The following MIR2052HG variants were observed in gnomAD, a reference collection of about 807,000 sequenced individuals.
MIR2052HG encodes the protein MIR2052 host gene.
At chr8:74,631,799 A>T (rs551826261) in intron 2 of MIR2052HG, among the ~76,000 whole-genome samples, 1 of 152,322 alleles carries the variant, frequency 6.6e-6, no homozygotes, top group South Asian at 2.1e-4. Flanking sequence ...GCTGTGCTTC[A>T]GAGATGGTGC....
At chr8:74,737,121 T>G (rs1261997375) in intron 4 of MIR2052HG, among the ~76,000 whole-genome samples, 1 of 152,188 alleles carries the variant, frequency 6.6e-6, no homozygotes, top group Admixed American at 6.6e-5. Context: ...AATCTTCATT[T>G]GCATAGAAGT....
chr8:74,665,571 C>T (rs1808913716), intron 2 of MIR2052HG, among the ~76,000 whole-genome samples: 1 of 152,182 alleles, frequency 6.6e-6, no homozygotes, highest in African/African-American at 2.4e-5. Context: ...GAAGGCTTTG[C>T]TGTCATTAAT....
At chr8:74,705,515 C>A (rs1809401462) in intron 4 of MIR2052HG, among the ~76,000 whole-genome samples, 1 of 151,980 alleles carries the variant, frequency 6.6e-6, no homozygotes, top group African/African-American at 2.4e-5. Flanking sequence ...CAGACTGTTT[C>A]CTTTTGAGGA....
intron 2 of MIR2052HG, among the ~76,000 whole-genome samples, chr8:74,626,521 T>G (rs952055716): frequency 1.3e-5 from 2 of 152,100 alleles, no homozygotes; most frequent in African/African-American, 2.4e-5. Context: ...TAGAGAATAT[T>G]CTCAGGATAT....
chr8:74,688,055 C>T (rs1809201865), intron 2 of MIR2052HG, among the ~76,000 whole-genome samples: 1 of 152,178 alleles, frequency 6.6e-6, no homozygotes, highest in Non-Finnish European at 1.5e-5. Flanking sequence ...AGGCTGATCA[C>T]TGCTTACAAG....
At chr8:74,751,197 A>C (rs997658918) in intron 4 of MIR2052HG, among the ~76,000 whole-genome samples, 1 of 152,218 alleles carries the variant, frequency 6.6e-6, no homozygotes, top group Non-Finnish European at 1.5e-5. Flanking sequence ...GAACGTGGTA[A>C]CAGTCTTCTT....
intron 2 of MIR2052HG, among the ~76,000 whole-genome samples, chr8:74,682,835 C>T (rs993974459): frequency 1.3e-5 from 2 of 151,742 alleles, no homozygotes; most frequent in African/African-American, 2.4e-5. Context: ...AGGATTGTTA[C>T]AGAAAAAAAC....
chr8:74,630,528 GAA>G (rs200428495), intron 2 of MIR2052HG, among the ~76,000 whole-genome samples: 9 of 126,072 alleles, frequency 7.1e-5, no homozygotes, highest in African/African-American at 2.3e-4. Flanking sequence ...AGATTTCTCT[GAA>G]AAAAAAAAAA....
chr8:74,619,187 C>T lies in MIR2052HG; in HGVS notation n.216+6247C>T, dbSNP rs142111139. 7.8e-3 allele frequency among the ~76,000 whole-genome samples: 1,183 copies of T among 152,162 alleles called. 7 individuals are homozygous for T. Among genetic ancestry groups the T allele is most frequent in the Middle Eastern group, 0.014 (4 of 294 alleles). Reference sequence around the variant, plus strand: ...GGAAGAATTAATATTGTTAAAATATCCATACTACCCAAAGCAATATACAAA... The same window carrying T: ...GGAAGAATTAATATTGTTAAAATATTCATACTACCCAAAGCAATATACAAA... On this transcript the variant is annotated intron_variant and non_coding_transcript_variant, in intron 2 of 6. Coordinates refer to ENST00000523442, the Ensembl canonical transcript of MIR2052HG.
At chr8:74,704,761 T>G (rs1389887251) in intron 4 of MIR2052HG, among the ~76,000 whole-genome samples, 2 of 152,122 alleles carry the variant, frequency 1.3e-5, no homozygotes, top group Non-Finnish European at 2.9e-5. Context: ...TTTATCTTTT[T>G]TGACTTGATA....
At chr8:74,724,082 GTGTTTAAATCTGTTCA>G (rs1373372961) in intron 4 of MIR2052HG, among the ~76,000 whole-genome samples, 1 of 152,024 alleles carries the variant, frequency 6.6e-6, no homozygotes, top group African/African-American at 2.4e-5. Context: ...ATGCCTGTTT[GTGTTTAAATCTGTTCA>G]TGTTTAATCA....
chr8:74,662,394 A>G (rs1437750557), intron 2 of MIR2052HG, among the ~76,000 whole-genome samples: 1 of 148,424 alleles, frequency 6.7e-6, no homozygotes, highest in Non-Finnish European at 1.5e-5. Flanking sequence ...ATGAGAACAC[A>G]TGGACACAGG....
intron 4 of MIR2052HG, among the ~76,000 whole-genome samples, chr8:74,710,842 C>T (rs1809460056): frequency 6.6e-6 from 1 of 152,210 alleles, no homozygotes. Context: ...CTGTATGAGT[C>T]ACAATTCAAA....
chr8:74,755,759 G>T (rs1457014168), intron 5 of MIR2052HG, among the ~76,000 whole-genome samples: 1 of 152,152 alleles, frequency 6.6e-6, no homozygotes, highest in African/African-American at 2.4e-5. Flanking sequence ...TCTTCAAGCG[G>T]CCACTTGAGA....
At chr8:74,642,504 G>C (rs1402166590) in intron 2 of MIR2052HG, among the ~76,000 whole-genome samples, 2 of 152,152 alleles carry the variant, frequency 1.3e-5, no homozygotes, top group Admixed American at 1.3e-4. Flanking sequence ...AGTCTCAGCA[G>C]TACTGACTTA....
At chr8:74,693,874 A>G (rs1360871775) in intron 2 of MIR2052HG, among the ~76,000 whole-genome samples, 1 of 152,098 alleles carries the variant, frequency 6.6e-6, no homozygotes, top group African/African-American at 2.4e-5. Flanking sequence ...GTCTTTCCCT[A>G]TCTACCTTGG....
In MIR2052HG at chr8:74,640,406, G is replaced by A. The variant is rs1387633746; in HGVS notation, n.216+27466G>A. Among the ~76,000 whole-genome samples, 5 of 149,790 alleles carry A rather than the reference G, an allele frequency of 3.3e-5. No homozygotes were observed. In the East Asian group the frequency reaches 5.9e-4, roughly 18 times the overall value. ...GAATCACTTGAACCCAGGAAGCAGA[G>A]GTTGCAGTGAGTCGAAATTGCACCA... On this transcript the variant is annotated intron_variant and non_coding_transcript_variant, in intron 2 of 6. Transcript: ENST00000523442.
chr8:74,645,266 T>C (rs1029087303), intron 2 of MIR2052HG, among the ~76,000 whole-genome samples: 13 of 151,980 alleles, frequency 8.6e-5, no homozygotes, highest in East Asian at 1.9e-4. Context: ...ATCGAGTTCA[T>C]AGAAGATTAA....
intron 2 of MIR2052HG, among the ~76,000 whole-genome samples, chr8:74,637,198 AT>A (rs1210298485): frequency 6.6e-6 from 1 of 152,156 alleles, no homozygotes; most frequent in African/African-American, 2.4e-5. Flanking sequence ...CTGAGCAGGC[AT>A]GGAAGATTTT....
Sources: gnomAD v4.1 joint callset for allele counts (sites outside exome capture counted in the v4.1 genomes callset) on GRCh38, gnomAD v4.1.1 for gene constraint, MANE v1.5 for transcripts, NCBI Gene and HGNC (gene_info 2026-07-23, HGNC 2026-07-21) for gene names.